The following CENPV variants were observed in gnomAD, a reference collection of about 807,000 sequenced individuals.
CENPV encodes the protein nuclear protein p30.
Under a neutral mutation model 26.4 loss-of-function variants are expected in CENPV, and 15 were observed. The observed-to-expected ratio is 0.57, with a 90% CI of 0.38 to 0.88. The LOEUF (loss-of-function observed/expected upper bound fraction) is 0.88, where lower values mean the gene tolerates loss of function less well. Ranked by LOEUF, CENPV falls within the 40% of genes least tolerant of loss-of-function variation. CENPV has a pLI of 0.00. For synonymous variants in CENPV, 172 were observed against 165.5 expected (o/e 1.04, Z -0.30); for missense variants, 336 against 376.5 (o/e 0.89, Z 0.89).
chr17:16,342,689 G>C lies in CENPV; in HGVS notation c.*128C>G, dbSNP rs1212263302. ...AGCTGGAGCAAACTGCAGAGATCAAGATGACCCTAGTCAACGGAACCAGCA... is the reference window on the plus strand; with the variant it reads ...AGCTGGAGCAAACTGCAGAGATCAACATGACCCTAGTCAACGGAACCAGCA... On this transcript the variant is annotated 3_prime_UTR_variant, in exon 5 of 5. Transcript: ENST00000299736. The C allele has an allele frequency of 9.3e-7, 1 of 1,080,316 alleles. No individual in the cohort carries two copies. Among genetic ancestry groups the C allele is most frequent in the African/African-American group, 1.6e-5 (1 of 63,964 alleles). 66.9% of individuals were successfully genotyped at this position (1,080,316 alleles called of 1,614,324 possible).
chr17:16,343,784 G>A (rs1600898389), intron 4 of CENPV, among the ~76,000 whole-genome samples: 2 of 127,218 alleles, frequency 1.6e-5, no homozygotes, highest in African/African-American at 3.1e-5. Context: ...TCCCCTGTCC[G>A]CTCCCCACCA....
At chr17:16,343,569 T>A (rs1353481958) in intron 4 of CENPV, among the ~76,000 whole-genome samples, 1 of 152,178 alleles carries the variant, frequency 6.6e-6, no homozygotes, top group African/African-American at 2.4e-5. Flanking sequence ...CGACCTCAGG[T>A]GAGCCACCAT....
chr17:16,344,288 C>T, intron 4 of CENPV: 1 of 197,706 alleles, frequency 5.1e-6, no homozygotes, highest in Non-Finnish European at 1.0e-5. Flanking sequence ...CCTCACCCCT[C>T]TCCTCCCTAC....
intron 3 of CENPV, among the ~76,000 whole-genome samples, chr17:16,346,117 T>G (rs755205958): frequency 8.5e-5 from 13 of 152,218 alleles, no homozygotes; most frequent in Non-Finnish European, 1.5e-4. Context: ...TTGACAAGTA[T>G]GTAGAGAAAT....
chr17:16,349,161 G>A, intron 2 of CENPV: 1 of 989,400 alleles, frequency 1.0e-6, no homozygotes, highest in Admixed American at 5.8e-5. Flanking sequence ...TTAAACTGAA[G>A]TCCCCTCTTT....
At chr17:16,343,481 C>T (rs937777076) in intron 4 of CENPV, among the ~76,000 whole-genome samples, 9 of 152,066 alleles carry the variant, frequency 5.9e-5, no homozygotes, top group South Asian at 2.1e-4. Flanking sequence ...TACAGGCGTG[C>T]GCCACCAAGC....
chr17:16,342,691 T>C lies in CENPV; in HGVS notation c.*126A>G. On this transcript the variant is annotated 3_prime_UTR_variant, in exon 5 of 5. Coordinates refer to ENST00000299736, the MANE Select transcript of CENPV (RefSeq NM_181716.3). ...CTGGAGCAAACTGCAGAGATCAAGA[T>C]GACCCTAGTCAACGGAACCAGCAGC... The C allele has an allele frequency of 2.8e-6, 3 of 1,090,170 alleles. No homozygotes were observed. Among genetic ancestry groups the C allele is most frequent in the Non-Finnish European group, 4.1e-6 (3 of 737,780 alleles). The allele number at this position is 1,090,170 out of a possible 1,614,324, so 67.5% of individuals were successfully genotyped here. A position where few individuals can be genotyped will look rare whatever the true frequency, so the allele number is the denominator to read the frequency against.
intron 3 of CENPV, among the ~76,000 whole-genome samples, chr17:16,345,007 A>AAG: frequency 6.6e-6 from 1 of 151,978 alleles, no homozygotes; most frequent in Non-Finnish European, 1.5e-5. Context: ...TCCTGACCTC[A>AAG]TGATTCACCC....
intron 3 of CENPV, among the ~76,000 whole-genome samples, chr17:16,347,827 T>C (rs746479101): frequency 1.7e-4 from 26 of 152,056 alleles, no homozygotes; most frequent in Non-Finnish European, 3.4e-4. Flanking sequence ...CTTTCAAATT[T>C]TGTACCAAGT....
intron 3 of CENPV, among the ~76,000 whole-genome samples, chr17:16,347,317 T>C (rs1484720398): frequency 6.6e-6 from 1 of 152,136 alleles, no homozygotes; most frequent in African/African-American, 2.4e-5. Context: ...TTGTGCTTCC[T>C]ATAGAAATAG....
In CENPV at chr17:16,348,502, G is replaced by T; in HGVS notation, c.579+114C>A. 3 of 1,553,654 alleles carry T rather than the reference G, an allele frequency of 1.9e-6. No individual in the cohort carries two copies. The South Asian group carries it at 3.5e-5, about 18-fold the overall frequency. On this transcript the variant is annotated intron_variant, in intron 3 of 4. Transcript: ENST00000299736. ...GAAACCAAAGCCCGTGAGAGGCCCT[G>T]CTATGCTCCAGGCCCCTCCCATGCT...
chr17:16,349,810 C>T, intron 2 of CENPV, 121 bp downstream of exon 2: 1 of 1,475,558 alleles, frequency 6.8e-7, no homozygotes, highest in South Asian at 1.4e-5. Flanking sequence ...CACCTGACTT[C>T]AACAGTTACC....
intron 1 of CENPV, chr17:16,351,935 C>T (rs1298329954): frequency 6.6e-6 from 1 of 152,052 alleles, no homozygotes; most frequent in Non-Finnish European, 1.5e-5. Flanking sequence ...GATGGATGAA[C>T]GTTTTTTAAA....
chr17:16,353,163 G>T lies in CENPV; in HGVS notation c.274C>A (p.Pro92Thr). The T allele has an allele frequency of 6.9e-7, 1 of 1,451,516 alleles. No homozygotes were observed. The highest frequency in any genetic ancestry group is 2.8e-5 in the Admixed American group (1 of 36,202). The allele number at this position is 1,451,516 out of a possible 1,614,324, so 89.9% of individuals were successfully genotyped here. The change falls in exon 1 of 5, where the codon CCG becomes ACG. Residue 92 changes from proline to threonine, a missense_variant. Transcript: ENST00000299736. ...GTCGGGGTCGCGGGAGTCGGCGGCG[G>T]CGGCGGCGGTGGCGGGAGCAACGCC... ...ELALLPPPPP[P>T]PPTPATPTSS...
chr17:16,349,581 T>C, intron 2 of CENPV: 1 of 1,030,906 alleles, frequency 9.7e-7, no homozygotes, highest in Non-Finnish European at 1.2e-6. Context: ...TCTAGACTTC[T>C]ATGAAGATTC....
At chr17:16,343,602 T>C (rs1183110376) in intron 4 of CENPV, among the ~76,000 whole-genome samples, 1 of 152,148 alleles carries the variant, frequency 6.6e-6, no homozygotes. Context: ...ATAGATAACT[T>C]TCTAAGAATT....
At chr17:16,350,129 T>C (rs2093223041) in intron 1 of CENPV, 100 bp from the exon 2 acceptor site, 9 of 1,419,154 alleles carry the variant, frequency 6.3e-6, no homozygotes, top group Non-Finnish European at 8.6e-6. Context: ...ACAAAAGTCT[T>C]TTCTACATGA....
intron 3 of CENPV, among the ~76,000 whole-genome samples, chr17:16,345,922 C>G (rs78675385): frequency 6.6e-6 from 1 of 152,146 alleles, no homozygotes; most frequent in African/African-American, 2.4e-5. Flanking sequence ...ATTTGCCAGA[C>G]GTCATAGACA....
Position 16,353,116 on chromosome 17 carries a change from G to C in CENPV, c.321C>G (p.Asp107Glu), listed in dbSNP as rs2093234572. 1 of 1,543,450 alleles carries C rather than the reference G, an allele frequency of 6.5e-7. No individual in the cohort carries two copies. The highest frequency in any genetic ancestry group is 8.7e-7 in the Non-Finnish European group (1 of 1,147,716). The change falls in exon 1 of 5, where the codon GAC becomes GAG. Residue 107 changes from aspartate to glutamate, a missense_variant. Physicochemically the swap from Asp to Glu is conservative, Grantham distance 45. Coordinates refer to ENST00000299736, the MANE Select transcript of CENPV (RefSeq NM_181716.3). The stretch of plus-strand genomic sequence containing the variant: ...CCCAGCGCTCCCGCTGCTCGCCCAG[G>C]TCCAGGTTGGACGCCGAGGACGTCG... ...ATPTSSASNLDLGEQRERWET... is the reference protein window; with the variant it reads ...ATPTSSASNLELGEQRERWET...
Sources: gnomAD v4.1 joint callset for allele counts (sites outside exome capture counted in the v4.1 genomes callset) on GRCh38, gnomAD v4.1.1 for gene constraint, MANE v1.5 for transcripts, NCBI Gene and HGNC (gene_info 2026-07-23, HGNC 2026-07-21) for gene names.